The following SCAF8 variants were observed in gnomAD, a reference collection of about 807,000 sequenced individuals.
SCAF8 encodes the protein SR-related and CTD-associated factor 8.
SCAF8 carries 23 observed loss-of-function variants against 140.5 expected under a neutral mutation model. The observed-to-expected ratio is 0.16, with a 90% CI of 0.12 to 0.23. SCAF8 has a LOEUF of 0.23. SCAF8 is among the 10% of genes least tolerant of loss of function. The pLI, the probability that SCAF8 is intolerant of heterozygous loss-of-function variation, is 1.00. For synonymous variants in SCAF8, 575 were observed against 528.9 expected, an observed-to-expected ratio of 1.09 and a Z score of -1.20; for missense variants, 1,397 against 1,555.7, an observed-to-expected ratio of 0.90 and a Z score of 1.72.
intron 6 of SCAF8, among the ~76,000 whole-genome samples, chr6:154,799,815 G>T (rs1777718079): frequency 6.6e-6 from 1 of 150,600 alleles, no homozygotes; most frequent in Admixed American, 6.6e-5. Flanking sequence ...ACAGGGTCTT[G>T]CTCTGTCACC....
At chr6:154,786,807 A>C (rs1777271355) in intron 3 of SCAF8, among the ~76,000 whole-genome samples, 1 of 152,174 alleles carries the variant, frequency 6.6e-6, no homozygotes, top group Non-Finnish European at 1.5e-5. Flanking sequence ...CTTTGTCTTG[A>C]TTCTTCTCTC....
intron 6 of SCAF8, among the ~76,000 whole-genome samples, chr6:154,797,751 T>C (rs1308098424): frequency 6.6e-6 from 1 of 151,500 alleles, no homozygotes; most frequent in East Asian, 1.9e-4. Context: ...AATTACATAT[T>C]ATGCATAGAA....
intron 12 of SCAF8, among the ~76,000 whole-genome samples, chr6:154,814,137 C>T (rs981331593): frequency 4.6e-5 from 7 of 152,230 alleles, no homozygotes; most frequent in South Asian, 2.1e-4. Context: ...GCCTGGGCAA[C>T]GTGGTGAAAC....
chr6:154,766,519 C>T (rs1012118103), intron 1 of SCAF8, among the ~76,000 whole-genome samples: 2 of 152,108 alleles, frequency 1.3e-5, no homozygotes, highest in Admixed American at 6.5e-5. Flanking sequence ...GCTTCTTCTG[C>T]TGCTTCCTGA....
chr6:154,759,731 T>G (rs1373495726), intron 1 of SCAF8, among the ~76,000 whole-genome samples: 1 of 149,966 alleles, frequency 6.7e-6, no homozygotes, highest in African/African-American at 2.5e-5. Context: ...AGTGGTGCGA[T>G]CTTGGCTCAC....
rs147861430 is a variant in SCAF8, at chr6:154,738,291, A to C, written c.30+4361A>C. On this transcript the variant is annotated intron_variant, in intron 1 of 19. Coordinates refer to ENST00000367178, the MANE Select transcript of SCAF8 (RefSeq NM_014892.5). ...GCTATGAAAATCCCAGACTTCATGC[A>C]AGATATGTATGAGTTGTTTTTGTCA... is the stretch of plus-strand genomic sequence containing the variant. Among the ~76,000 whole-genome samples, 328 of 152,210 alleles carry C rather than the reference A, an allele frequency of 2.2e-3. 2 individuals are homozygous for C. The highest frequency in any genetic ancestry group is 4.0e-3 in the Non-Finnish European group (269 of 68,008).
intron 8 of SCAF8, among the ~76,000 whole-genome samples, chr6:154,804,726 C>G (rs1022160306): frequency 1.4e-4 from 21 of 152,016 alleles, no homozygotes; most frequent in Non-Finnish European, 2.8e-4. Context: ...TTCAAGACTT[C>G]TCACCATCCT....
intron 6 of SCAF8, among the ~76,000 whole-genome samples, chr6:154,797,991 T>G (rs953060090): frequency 6.6e-6 from 1 of 151,422 alleles, no homozygotes; most frequent in South Asian, 2.1e-4. Context: ...GTTTGGTGTC[T>G]GAAGTCCAGT....
In SCAF8 at chr6:154,818,479, A is replaced by G. The variant is rs754274388; in HGVS notation, c.1522A>G (p.Met508Val). 1 of 1,554,190 alleles carries G rather than the reference A, an allele frequency of 6.4e-7. No individual in the cohort carries two copies. Among genetic ancestry groups the G allele is most frequent in the East Asian group, 2.3e-5 (1 of 42,774 alleles). ...EEFGQIESINMIPPRGCAYVC... is the reference protein window; with the variant it reads ...EEFGQIESINVIPPRGCAYVC... ...TTCTTAAAACAATTTTTTTTATTAG[A>G]TGATTCCTCCCCGGGGCTGTGCTTA... The change falls in exon 14 of 20, where the codon ATG (methionine) becomes GTG (valine). Residue 508 changes from methionine (M) to valine (V), a missense_variant and splice_region_variant. By Grantham distance (21) the Met-to-Val change is conservative (BLOSUM62 1). Around this residue, in one of 5 missense-constraint regions of SCAF8, gnomAD observed 59 missense variants for 110.7 expected, o/e 0.53. Transcript: ENST00000367178.
chr6:154,820,324 G>T lies in SCAF8; in HGVS notation c.1783G>T (p.Val595Leu). Reference protein sequence around the residue: ...AEGGMIDQETVNTEWETVKSS... With the variant: ...AEGGMIDQETLNTEWETVKSS... Reference sequence around the variant, plus strand: ...AGGAGGCATGATTGATCAGGAGACTGTAAATACTGGTAAGAATTCTAAGGT... The same window carrying T: ...AGGAGGCATGATTGATCAGGAGACTTTAAATACTGGTAAGAATTCTAAGGT... Residue 595 changes from valine (V) to leucine (L), a missense_variant, in exon 15 of 20, where the codon GTA (valine) becomes TTA (leucine). Physicochemically the swap from Val to Leu is conservative, Grantham distance 32. Around this residue, in one of 5 missense-constraint regions of SCAF8, gnomAD observed 930 missense variants for 874.6 expected, o/e 1.06. Transcript: ENST00000367178. 1 of 1,603,060 alleles carries T rather than the reference G, an allele frequency of 6.2e-7. No homozygotes were observed. Among genetic ancestry groups the T allele is most frequent in the Non-Finnish European group, 8.5e-7 (1 of 1,176,682 alleles).
intron 1 of SCAF8, among the ~76,000 whole-genome samples, chr6:154,734,926 C>G (rs1243170020): frequency 1.3e-5 from 2 of 152,128 alleles, no homozygotes; most frequent in African/African-American, 4.8e-5. Context: ...AGTTCAAGAC[C>G]AGCCTGGCCA....
intron 1 of SCAF8, among the ~76,000 whole-genome samples, chr6:154,737,001 CTG>C (rs1228058307): frequency 6.6e-6 from 1 of 151,960 alleles, no homozygotes; most frequent in Non-Finnish European, 1.5e-5. Context: ...ATACATAATA[CTG>C]TTTTTTATTT....
In SCAF8 at chr6:154,792,949, A is replaced by G; in HGVS notation, c.448A>G (p.Thr150Ala). ...PPVVTPVLASTTTAMSNTPGT... is the reference protein window; with the variant it reads ...PPVVTPVLASATTAMSNTPGT... ...AGTTGTCACACCTGTTTTGGCCAGCACTACCACTGCTATGAGCAATACTCC... is the reference window on the plus strand; with the variant it reads ...AGTTGTCACACCTGTTTTGGCCAGCGCTACCACTGCTATGAGCAATACTCC... The change falls in exon 5 of 20, where the codon ACT (threonine) becomes GCT (alanine). Residue 150 changes from threonine (T) to alanine (A), a missense_variant. Around this residue, in one of 5 missense-constraint regions of SCAF8, gnomAD observed 339 missense variants for 407.5 expected, o/e 0.83. Coordinates refer to ENST00000367178, the MANE Select transcript of SCAF8 (RefSeq NM_014892.5). 3 of 1,613,782 alleles carry G rather than the reference A, an allele frequency of 1.9e-6. No individual in the cohort carries two copies. Among genetic ancestry groups the G allele is most frequent in the South Asian group, 1.1e-5 (1 of 91,012 alleles).
intron 1 of SCAF8, among the ~76,000 whole-genome samples, chr6:154,756,393 G>A (rs934074079): frequency 6.6e-6 from 1 of 152,160 alleles, no homozygotes; most frequent in African/African-American, 2.4e-5. Flanking sequence ...TCACTCTCCC[G>A]CTCTACCTCA....
At chr6:154,742,543 A>G (rs1287962715) in intron 1 of SCAF8, among the ~76,000 whole-genome samples, 3 of 152,154 alleles carry the variant, frequency 2.0e-5, no homozygotes, top group Non-Finnish European at 2.9e-5. Context: ...TTCGTACCTA[A>G]ATGGATTCTG....
chr6:154,808,570 C>A (rs986046266), intron 10 of SCAF8, 116 bp from the exon 11 acceptor site: 3 of 686,424 alleles, frequency 4.4e-6, no homozygotes, highest in African/African-American at 1.8e-5. Context: ...AGATTGGACA[C>A]CCCTGTATTA....
chr6:154,816,868 G>C (rs1416548999), intron 13 of SCAF8, among the ~76,000 whole-genome samples: 3 of 152,004 alleles, frequency 2.0e-5, no homozygotes, highest in African/African-American at 7.3e-5. Context: ...ATAAGAAGCT[G>C]GTTAAGTAAT....
Position 154,813,019 on chromosome 6 carries a change from T to A in SCAF8, c.1421-2697T>A, listed in dbSNP as rs949593699. 2.1e-5 allele frequency among the ~76,000 whole-genome samples: 3 copies of A among 144,880 alleles called. No individual in the cohort carries two copies. In the East Asian group the frequency reaches 6.3e-4, roughly 30 times the overall value. ...TTTAAGACCAGCCTGAGCAACAAAG[T>A]GAGATGCCATCACTACCGCCAAAAA... On this transcript the variant is annotated intron_variant, in intron 12 of 19. Coordinates refer to ENST00000367178, the MANE Select transcript of SCAF8 (RefSeq NM_014892.5).
chr6:154,757,789 A>T (rs1779002974), intron 1 of SCAF8, among the ~76,000 whole-genome samples: 1 of 152,168 alleles, frequency 6.6e-6, no homozygotes, highest in South Asian at 2.1e-4. Flanking sequence ...CTGGATGATT[A>T]TAACTGCTTT....
Sources: gnomAD v4.1 joint callset for allele counts (sites outside exome capture counted in the v4.1 genomes callset) on GRCh38, gnomAD v4.1.1 for gene constraint, gnomAD v4.1.1 regional missense constraint, MANE v1.5 for transcripts, NCBI Gene and HGNC (gene_info 2026-07-23, HGNC 2026-07-21) for gene names.